Variants in LYRM7 observed in about 807,000 individuals in gnomAD.
LYRM7 encodes LYR motif containing 7.
In LYRM7, 9 loss-of-function variants were observed where a neutral mutation model predicts 15.8. The ratio of observed to expected loss-of-function variants is 0.57; its 90% CI spans 0.34 to 0.99. The LOEUF is 0.99. LYRM7 is among the 50% of genes least tolerant of loss of function. The probability of loss-of-function intolerance (pLI) is 0.02; values close to 1 mark genes in which losing one functional copy is unlikely to be tolerated. For synonymous variants in LYRM7, 39 were observed against 39.4 expected, an observed-to-expected ratio of 0.99 and a Z score of 0.04; for missense variants, 115 against 119.1, an observed-to-expected ratio of 0.97 and a Z score of 0.16.
intron 3 of LYRM7, among the ~76,000 whole-genome samples, chr5:131,184,648 G>GGGGC (rs1554090168): frequency 0.029 from 4,299 of 150,094 alleles, 191 homozygotes; most frequent in African/African-American, 0.086. Context: ...GGCGGGGGGG[G>GGGGC]GGTTCCAGGA....
At chr5:131,174,717 G>A (rs963882565) in intron 1 of LYRM7, among the ~76,000 whole-genome samples, 6 of 152,016 alleles carry the variant, frequency 3.9e-5, no homozygotes, top group Non-Finnish European at 7.4e-5. Context: ...TGTGGCATGC[G>A]CCTGTGCTCC....
intron 4 of LYRM7, among the ~76,000 whole-genome samples, chr5:131,197,072 A>C (rs1755976964): frequency 6.6e-6 from 1 of 152,210 alleles, no homozygotes; most frequent in Non-Finnish European, 1.5e-5. Context: ...GGGTATATTT[A>C]ACCATTTATT....
At chr5:131,185,068 TCTCTTGTTATAACAGC>T (rs2149662674) in intron 3 of LYRM7, among the ~76,000 whole-genome samples, 1 of 152,128 alleles carries the variant, frequency 6.6e-6, no homozygotes, top group South Asian at 2.1e-4. Context: ...CACCATCATC[TCTCTTGTTATAACAGC>T]CTCTTAATGG....
chr5:131,196,206 C>T (rs1417536835), intron 4 of LYRM7, among the ~76,000 whole-genome samples: 2 of 149,894 alleles, frequency 1.3e-5, no homozygotes, highest in African/African-American at 4.9e-5. Context: ...CGGGTTCAAG[C>T]GATTCTCATG....
chr5:131,171,111 T>C (rs1755512336), intron 1 of LYRM7, 73 bp downstream of exon 1: 2 of 1,386,854 alleles, frequency 1.4e-6, no homozygotes, highest in Admixed American at 3.7e-5. Flanking sequence ...GAAAACTGTC[T>C]GGAGTCTCTG....
chr5:131,178,034 T>A (rs1755628531), intron 1 of LYRM7, among the ~76,000 whole-genome samples: 1 of 152,246 alleles, frequency 6.6e-6, no homozygotes, highest in Admixed American at 6.5e-5. Context: ...TAGCTTTTCA[T>A]TGATGTTATT....
chr5:131,171,775 G>A lies in LYRM7; in HGVS notation c.18+737G>A, dbSNP rs1338881806. 4 of 152,184 alleles carry A rather than the reference G, an allele frequency of 2.6e-5. No homozygotes were observed. The East Asian group carries it at 7.7e-4, about 29-fold the overall frequency. 9.4% of individuals were successfully genotyped at this position (152,184 alleles called of 1,614,324 possible). A position where few individuals can be genotyped will look rare whatever the true frequency, so the allele number is the denominator to read the frequency against. ...AGGAAATAGCCTGCTATAATATGGT[G>A]AAGAAAAGCAGTGTTTATGTCTAGT... On this transcript the variant is annotated intron_variant, in intron 1 of 4. Transcript: ENST00000379380.
chr5:131,180,079 C>A lies in LYRM7; in HGVS notation c.19-16C>A. 6.3e-7 allele frequency: 1 copy of A among 1,595,286 alleles called. No homozygotes were observed. Among genetic ancestry groups the A allele is most frequent in the African/African-American group, 1.3e-5 (1 of 74,480 alleles). On this transcript the variant is annotated splice_polypyrimidine_tract_variant and intron_variant, in intron 1 of 4. Coordinates refer to ENST00000379380, the MANE Select transcript of LYRM7 (RefSeq NM_181705.4). ...GAGCCACTGTGCCCAACCTTGAATTCTGATTTTCTTAACAGGTTTTACAGC... is the reference window on the plus strand; with the variant it reads ...GAGCCACTGTGCCCAACCTTGAATTATGATTTTCTTAACAGGTTTTACAGC...
intron 4 of LYRM7, among the ~76,000 whole-genome samples, 200 bp downstream of exon 4, chr5:131,187,309 T>C (rs1755812712): frequency 6.6e-6 from 1 of 152,190 alleles, no homozygotes; most frequent in Non-Finnish European, 1.5e-5. Context: ...TCAATTTTTA[T>C]TTTTTATTTT....
intron 2 of LYRM7, 57 bp from the exon 3 acceptor site, chr5:131,182,172 G>T: frequency 7.7e-7 from 1 of 1,299,062 alleles, no homozygotes; most frequent in South Asian, 1.4e-5. Flanking sequence ...GTCAATTATT[G>T]AGATAGGAAT....
intron 1 of LYRM7, among the ~76,000 whole-genome samples, chr5:131,173,560 G>A (rs139813739): frequency 3.8e-4 from 58 of 152,208 alleles, no homozygotes; most frequent in African/African-American, 1.4e-3. Context: ...TCTGGCCAAC[G>A]CAGTGAAACC....
intron 4 of LYRM7, among the ~76,000 whole-genome samples, chr5:131,199,284 G>A (rs1280021242): frequency 1.3e-5 from 2 of 151,972 alleles, no homozygotes; most frequent in Non-Finnish European, 2.9e-5. Context: ...TATTTGATTT[G>A]CTATATTTAA....
intron 4 of LYRM7, among the ~76,000 whole-genome samples, chr5:131,188,493 A>G (rs1311695563): frequency 6.6e-6 from 1 of 151,036 alleles, no homozygotes; most frequent in African/African-American, 2.4e-5. Context: ...TTTCTCTGGT[A>G]ACTAATGAAT....
In LYRM7 at chr5:131,202,408, T is replaced by TA. The variant is rs1282760963; in HGVS notation, c.*2808dup. 1 of 152,194 alleles carries TA rather than the reference T, an allele frequency of 6.6e-6. No homozygotes were observed. Among genetic ancestry groups the TA allele is most frequent in the East Asian group, 1.9e-4 (1 of 5,184 alleles). The allele number at this position is 152,194 out of a possible 1,614,324, so 9.4% of individuals were successfully genotyped here. ...AGTCAGGAGGCTGAGGCAGGAGAAT[T>TA]ACTTGAGCCAGGGAAGCAGAGGTTG... On this transcript the variant is annotated 3_prime_UTR_variant, in exon 5 of 5. Transcript: ENST00000379380.
At position 131,197,846 on chromosome 5, in the gene LYRM7, C is replaced by CTGTGTGTGTGTGTGTG. The variant is rs56146861; in HGVS notation, c.245-1661_245-1646dup. Among the ~76,000 whole-genome samples, 211 of 143,376 alleles carry CTGTGTGTGTGTGTGTG rather than the reference C, an allele frequency of 1.5e-3. 2 individuals carry two copies. Among genetic ancestry groups the CTGTGTGTGTGTGTGTG allele is most frequent in the African/African-American group, 4.9e-3 (186 of 38,316 alleles). The allele number at this position is 143,376 out of a possible 152,430, so 94.1% of individuals were successfully genotyped here. ...AGGCATGAGCCGCTGCATCTGGCCACTGTGTGTGTGTGTGTGTGTGTGTGT... is the reference window on the plus strand; with the variant it reads ...AGGCATGAGCCGCTGCATCTGGCCACTGTGTGTGTGTGTGTGTGTGTGTGTGTGTGTGTGTGTGTGT... On this transcript the variant is annotated intron_variant, in intron 4 of 4. Coordinates refer to ENST00000379380, the MANE Select transcript of LYRM7 (RefSeq NM_181705.4).
chr5:131,192,030 CAT>C (rs1317778541), intron 4 of LYRM7, among the ~76,000 whole-genome samples: 35 of 96,044 alleles, frequency 3.6e-4, no homozygotes, highest in Non-Finnish European at 5.5e-4. Context: ...AAATGTGGTG[CAT>C]ACACACACAC....
intron 2 of LYRM7, among the ~76,000 whole-genome samples, chr5:131,181,453 AAACATATATATGTATATATATAT>A (rs1304222583): frequency 3.2e-5 from 4 of 124,050 alleles, no homozygotes; most frequent in Admixed American, 8.9e-5. Context: ...TATATATATA[AAACATATATATGTATATATATAT>A]AACATATATA....
chr5:131,184,177 G>C (rs1302389531), intron 3 of LYRM7, among the ~76,000 whole-genome samples: 1 of 152,060 alleles, frequency 6.6e-6, no homozygotes, highest in African/African-American at 2.4e-5. Context: ...ATGTTGGCCA[G>C]GCTAGTCTTG....
intron 1 of LYRM7, among the ~76,000 whole-genome samples, chr5:131,175,089 G>T (rs1440441233): frequency 6.6e-6 from 1 of 151,634 alleles, no homozygotes; most frequent in Non-Finnish European, 1.5e-5. Flanking sequence ...GATGCACTTT[G>T]TTGATTTGTA....
Sources: gnomAD v4.1 joint callset for allele counts (sites outside exome capture counted in the v4.1 genomes callset) on GRCh38, gnomAD v4.1.1 for gene constraint, MANE v1.5 for transcripts, NCBI Gene and HGNC (gene_info 2026-07-23, HGNC 2026-07-21) for gene names.